The following RPS6KA1 variants were observed in gnomAD, a reference collection of about 807,000 sequenced individuals.
RPS6KA1 encodes ribosomal protein S6 kinase A1.
RPS6KA1 carries 48 observed loss-of-function variants against 91.3 expected under a neutral mutation model. The ratio of observed to expected loss-of-function variants is 0.53; its 90% confidence interval spans 0.42 to 0.67. The LOEUF is 0.67. RPS6KA1 is among the 30% of genes least tolerant of loss of function. The probability of loss-of-function intolerance (pLI) is 0.00; values close to 1 mark genes in which losing one functional copy is unlikely to be tolerated. For synonymous variants in RPS6KA1, 359 were observed against 384.7 expected (o/e 0.93, Z 0.78); for missense variants, 719 against 960.5 (o/e 0.75, Z 3.32).
Position 26,571,869 on chromosome 1 carries a change from C to G in RPS6KA1, c.1773C>G (p.Tyr591Ter). ...GCCAGGTGCTGAAGCGCCAGGGCTA[C>G]GATGAAGGCTGCGACATCTGGAGCC... is the stretch of plus-strand genomic sequence containing the variant. ...VAPEVLKRQG[Y>*]DEGCDIWSLG... Residue 591 changes from tyrosine to a stop codon, truncating the protein, a stop_gained, in exon 19 of 22, where the codon TAC becomes TAG. Transcript: ENST00000374168. LOFTEE classifies it high-confidence loss of function. The surrounding 1 kb of genome is among the most constrained non-coding windows in gnomAD (Gnocchi z 5.1). The G allele has an allele frequency of 6.2e-7, 1 of 1,610,712 alleles. No homozygotes were observed.
chr1:26,554,502 T>G lies in RPS6KA1; in HGVS notation c.614-94T>G. On this transcript the variant is annotated intron_variant, in intron 8 of 21. Coordinates refer to ENST00000374168, the MANE Select transcript of RPS6KA1 (RefSeq NM_002953.4). This position sits in a 1 kb window ranked among gnomAD's most constrained non-coding sequence, Gnocchi z 4.6. Reference sequence around the variant, plus strand: ...TCCTGAGTGTCATGGGGGTGATGCCTTCTGGCCTCTGGGCACGGGGGTTGG... The same window carrying G: ...TCCTGAGTGTCATGGGGGTGATGCCGTCTGGCCTCTGGGCACGGGGGTTGG... The G allele has an allele frequency of 6.6e-7, 1 of 1,507,792 alleles. No homozygotes were observed. Among genetic ancestry groups the G allele is most frequent in the Non-Finnish European group, 9.0e-7 (1 of 1,112,778 alleles). 93.4% of individuals were successfully genotyped at this position (1,507,792 alleles called of 1,614,324 possible). A position where few individuals can be genotyped will look rare whatever the true frequency, so the allele number is the denominator to read the frequency against.
intron 13 of RPS6KA1, 104 bp downstream of exon 13, chr1:26,557,204 G>A (rs1433774219): frequency 8.1e-6 from 7 of 859,822 alleles, no homozygotes; most frequent in African/African-American, 1.7e-5. Flanking sequence ...CTGACAGGCC[G>A]AGGTATGCGG....
At chr1:26,560,436 G>T (rs2124652236) in intron 14 of RPS6KA1, among the ~76,000 whole-genome samples, 1 of 152,276 alleles carries the variant, frequency 6.6e-6, no homozygotes. Flanking sequence ...CAGAACTAAA[G>T]TCCTCTCCAT....
intron 7 of RPS6KA1, 155 bp downstream of exon 7, chr1:26,553,652 G>GC (rs2076073797): frequency 4.2e-6 from 2 of 473,106 alleles, no homozygotes; most frequent in Non-Finnish European, 3.9e-6. Context: ...GGTAGTGCCA[G>GC]CTGCCCAGTC....
chr1:26,574,197 T>C lies in RPS6KA1; in HGVS notation c.2204T>C (p.Leu735Pro). The part of the protein sequence containing the change: ...RRVRKLPSTT[L>P] ...GTGAGGAAGTTGCCATCCACCACCCTGTGAGGCACCAGGGCATTCGGGCCA... is the reference window on the plus strand; with the variant it reads ...GTGAGGAAGTTGCCATCCACCACCCCGTGAGGCACCAGGGCATTCGGGCCA... The change falls in exon 22 of 22, where the codon CTG (leucine) becomes CCG (proline). Residue 735 changes from leucine (L) to proline (P), a missense_variant. By Grantham distance (98) the Leu-to-Pro change is moderately conservative. This residue lies in a region of RPS6KA1 where 249 missense variants were observed against 323.1 expected (regional missense o/e 0.77). Transcript: ENST00000374168. This position sits in a 1 kb window ranked among gnomAD's most constrained non-coding sequence, Gnocchi z 4.3. The C allele has an allele frequency of 6.2e-7, 1 of 1,614,072 alleles. No homozygotes were observed.
intron 2 of RPS6KA1, among the ~76,000 whole-genome samples, chr1:26,542,390 C>T (rs560644335): frequency 4.6e-5 from 7 of 152,312 alleles, no homozygotes; most frequent in African/African-American, 1.4e-4. Context: ...TCCGTGTGTG[C>T]GTGGGGGCAT....
chr1:26,542,213 G>T (rs923681080), intron 2 of RPS6KA1, among the ~76,000 whole-genome samples: 5 of 152,222 alleles, frequency 3.3e-5, no homozygotes, highest in Admixed American at 1.3e-4. Context: ...GGGACCAGGG[G>T]TTGGTAGGGA....
At position 26,555,510 on chromosome 1, in the gene RPS6KA1, C is replaced by G. The variant is rs762594966; in HGVS notation, c.828-27C>G. 1.2e-5 allele frequency: 19 copies of G among 1,562,128 alleles called. No homozygotes were observed. The South Asian group carries it at 2.0e-4, about 16-fold the overall frequency. ...TGGGGCCTCTGGGGCAGGGCTCAGC[C>G]TTGATGAGTCCCGGGGGCTGTTTCA... On this transcript the variant is annotated intron_variant, in intron 10 of 21. Transcript: ENST00000374168. The surrounding 1 kb of genome is among the most constrained non-coding windows in gnomAD (Gnocchi z 4.3).
At chr1:26,570,560 A>G (rs756102025) in intron 17 of RPS6KA1, among the ~76,000 whole-genome samples, 1 of 152,098 alleles carries the variant, frequency 6.6e-6, no homozygotes, top group Non-Finnish European at 1.5e-5. Flanking sequence ...CAGCCCCCTC[A>G]AGTTACAGAT....
At chr1:26,546,843 C>G (rs1196394285) in intron 2 of RPS6KA1, 24 bp from the exon 3 acceptor site, 1 of 1,598,080 alleles carries the variant, frequency 6.3e-7, no homozygotes, top group East Asian at 2.2e-5. Context: ...CCCACCATGC[C>G]CACCAGCTCT....
chr1:26,566,279 CTTTTTTTTT>C (rs371340177), intron 17 of RPS6KA1, among the ~76,000 whole-genome samples: 1 of 97,946 alleles, frequency 1.0e-5, no homozygotes. Context: ...CTCATTGTAG[CTTTTTTTTT>C]TTTTTTTTTT....
intron 20 of RPS6KA1, 103 bp from the exon 21 acceptor site, chr1:26,573,121 G>A (rs1258280273): frequency 1.6e-6 from 2 of 1,250,226 alleles, no homozygotes; most frequent in African/African-American, 3.0e-5. Context: ...CTGCCGCAAG[G>A]GTTCAGGCGG....
intron 17 of RPS6KA1, among the ~76,000 whole-genome samples, chr1:26,567,404 G>A (rs981278133): frequency 1.3e-4 from 20 of 151,570 alleles, no homozygotes; most frequent in African/African-American, 4.4e-4. Context: ...GTTTTGAGAC[G>A]GAGTCTAGCT....
At chr1:26,559,391 TA>T in intron 14 of RPS6KA1, among the ~76,000 whole-genome samples, 1 of 152,008 alleles carries the variant, frequency 6.6e-6, no homozygotes, top group Non-Finnish European at 1.5e-5. Context: ...TTTTGAGACG[TA>T]GTCTTGCTCT....
chr1:26,546,845 A>G, intron 2 of RPS6KA1, 22 bp from the exon 3 acceptor site: 3 of 1,602,366 alleles, frequency 1.9e-6, no homozygotes, highest in Non-Finnish European at 2.6e-6. Context: ...CACCATGCCC[A>G]CCAGCTCTGT....
rs2075854451 is a variant in RPS6KA1 at position 26,529,823 on chromosome 1, G to T, written c.-98G>T. The T allele has an allele frequency of 8.7e-6, 8 of 920,814 alleles. No homozygotes were observed. The highest frequency in any genetic ancestry group is 8.1e-4 in the Middle Eastern group (2 of 2,456). The allele number at this position is 920,814 out of a possible 1,614,324, so 57.0% of individuals were successfully genotyped here. On this transcript the variant is annotated 5_prime_UTR_variant, in exon 1 of 22. Transcript: ENST00000374168. This position sits in a 1 kb window ranked among gnomAD's most constrained non-coding sequence, Gnocchi z 4.2. ...AGCCGGAGCGCGAGGGGCTCGGGGG[G>T]GCGCGGCGGTTCGGGTCGCAGAGCC...
At chr1:26,560,335 A>G (rs2076143120) in intron 14 of RPS6KA1, among the ~76,000 whole-genome samples, 1 of 152,216 alleles carries the variant, frequency 6.6e-6, no homozygotes, top group African/African-American at 2.4e-5. Flanking sequence ...CACCCCAGAA[A>G]GGGAGGCAGG....
At position 26,555,246 on chromosome 1, in the gene RPS6KA1, A is replaced by G; in HGVS notation, c.827+25A>G. On this transcript the variant is annotated intron_variant, in intron 10 of 21. Coordinates refer to ENST00000374168, the MANE Select transcript of RPS6KA1 (RefSeq NM_002953.4). The surrounding 1 kb of genome is among the most constrained non-coding windows in gnomAD (Gnocchi z 4.3). The stretch of plus-strand genomic sequence containing the variant: ...AGTAAGCCCCAGCCCTGCCCTGATA[A>G]CAATGGACTCCTCCAAGCCCCAGCC... 6.2e-7 allele frequency: 1 copy of G among 1,610,158 alleles called. No homozygotes were observed. The highest frequency in any genetic ancestry group is 1.1e-5 in the South Asian group (1 of 90,954).
chr1:26,572,394 G>A (rs910226785), intron 20 of RPS6KA1, 101 bp downstream of exon 20: 7 of 773,914 alleles, frequency 9.0e-6, no homozygotes, highest in South Asian at 8.9e-5. Flanking sequence ...TCTCCAAGCG[G>A]ATGTTCCACA....
Sources: allele counts gnomAD v4.1 joint callset (sites outside exome capture counted in the v4.1 genomes callset), GRCh38; gene constraint gnomAD v4.1.1; regional missense constraint gnomAD v4.1.1; non-coding constraint Gnocchi (gnomAD v3.1); transcripts MANE v1.5; gene names NCBI Gene and HGNC (gene_info 2026-07-23, HGNC 2026-07-21).